The following CDCA2 variants were observed in gnomAD, a reference collection of about 807,000 sequenced individuals.
The protein encoded by CDCA2 is cell division cycle-associated protein 2.
In CDCA2, 44 loss-of-function variants were observed where a neutral mutation model predicts 67.0. That is an observed-to-expected ratio of 0.66 (90% CI 0.52 to 0.84). The LOEUF (loss-of-function observed/expected upper bound fraction) is 0.84. Ranked by LOEUF, CDCA2 falls within the 40% of genes least tolerant of loss-of-function variation. The probability of loss-of-function intolerance (pLI) is 0.00; values close to 1 mark genes in which losing one functional copy is unlikely to be tolerated. For synonymous variants in CDCA2, 447 were observed against 418.7 expected (o/e 1.07, Z -0.82); for missense variants, 1,253 against 1,203.2 (o/e 1.04, Z -0.61).
chr8:25,497,368 A>ATGCT (rs914917629), intron 13 of CDCA2, among the ~76,000 whole-genome samples: 1 of 152,140 alleles, frequency 6.6e-6, no homozygotes, highest in African/African-American at 2.4e-5. Context: ...ACACAACAAA[A>ATGCT]TGCTATTCAG....
In CDCA2 at chr8:25,506,989, G is replaced by C; in HGVS notation, c.2323G>C (p.Gly775Arg). The change falls in exon 15 of 15, where the codon GGA becomes CGA. Residue 775 changes from glycine (G) to arginine (R), a missense_variant. Gly to Arg is a moderately radical substitution (Grantham distance 125, BLOSUM62 -2). Transcript: ENST00000330560. The part of the protein sequence containing the change: ...RKDDFLGAAE[G>R]KLQCNRLMPN... ...GGATGACTTCTTAGGAGCTGCAGAAGGAAAACTGCAATGCAATCGTTTAAT... is the reference window on the plus strand; with the variant it reads ...GGATGACTTCTTAGGAGCTGCAGAACGAAAACTGCAATGCAATCGTTTAAT... The C allele has an allele frequency of 6.2e-7, 1 of 1,614,090 alleles. No individual in the cohort carries two copies. The highest frequency in any genetic ancestry group is 8.5e-7 in the Non-Finnish European group (1 of 1,179,972).
At chr8:25,489,636 A>G (rs1803925166) in intron 13 of CDCA2, among the ~76,000 whole-genome samples, 1 of 152,170 alleles carries the variant, frequency 6.6e-6, no homozygotes. Context: ...TTCATTTTTA[A>G]TACTAAAGCC....
At chr8:25,495,759 A>G (rs927741194) in intron 13 of CDCA2, among the ~76,000 whole-genome samples, 2 of 152,200 alleles carry the variant, frequency 1.3e-5, no homozygotes, top group Admixed American at 6.5e-5. Flanking sequence ...AATAACTGCA[A>G]AGAAATTATA....
Position 25,483,991 on chromosome 8 carries a change from T to G in CDCA2, c.1146T>G (p.Pro382=). 6.2e-7 allele frequency: 1 copy of G among 1,613,938 alleles called. No individual in the cohort carries two copies. The highest frequency in any genetic ancestry group is 8.5e-7 in the Non-Finnish European group (1 of 1,179,826). Residue 382 remains proline, a synonymous_variant, in exon 10 of 15, where the codon CCT becomes CCG. Coordinates refer to ENST00000330560, the MANE Select transcript of CDCA2 (RefSeq NM_152562.4). ...AAGATGAAGAAAATTTTGAAGCACCTGCCTTTCTAAATATGAGGAAGAGGA... is the reference window on the plus strand; with the variant it reads ...AAGATGAAGAAAATTTTGAAGCACCGGCCTTTCTAAATATGAGGAAGAGGA... ...EAEDEENFEA[P]AFLNMRKRKR... is the part of the protein sequence containing the mutation.
intron 8 of CDCA2, 112 bp downstream of exon 8, chr8:25,480,236 C>A: frequency 2.3e-6 from 2 of 886,636 alleles, no homozygotes; most frequent in Non-Finnish European, 3.3e-6. Flanking sequence ...ATGTCTTACT[C>A]GTCTTACCGT....
At chr8:25,460,738 C>G (rs73677325) in intron 3 of CDCA2, among the ~76,000 whole-genome samples, 184 bp downstream of exon 3, 2,589 of 152,226 alleles carry the variant, frequency 0.017, 81 homozygotes, top group African/African-American at 0.056. Context: ...GCAGGGATCA[C>G]GGAATCGCAG....
At chr8:25,501,124 A>C (rs1252607828) in intron 13 of CDCA2, among the ~76,000 whole-genome samples, 4 of 152,216 alleles carry the variant, frequency 2.6e-5, no homozygotes, top group African/African-American at 9.6e-5. Flanking sequence ...TATTTAACCC[A>C]GCATTTTCCT....
chr8:25,484,826 T>G (rs1214553123), intron 10 of CDCA2, among the ~76,000 whole-genome samples: 1 of 152,138 alleles, frequency 6.6e-6, no homozygotes, highest in Non-Finnish European at 1.5e-5. Flanking sequence ...AAATACTAAT[T>G]CTACACAAGT....
intron 5 of CDCA2, among the ~76,000 whole-genome samples, chr8:25,467,437 T>A (rs186085803): frequency 7.9e-5 from 12 of 152,308 alleles, no homozygotes; most frequent in Non-Finnish European, 1.5e-4. Flanking sequence ...ATTGTTTCAG[T>A]TTTTTCCTGG....
Position 25,501,967 on chromosome 8 carries a change from G to T in CDCA2, c.1672-1406G>T, listed in dbSNP as rs574950677. 1.9e-3 allele frequency among the ~76,000 whole-genome samples: 296 copies of T among 152,182 alleles called. 3 individuals carry two copies. Among genetic ancestry groups the T allele is most frequent in the Middle Eastern group, 6.8e-3 (2 of 292 alleles). On this transcript the variant is annotated intron_variant, in intron 13 of 14. Transcript: ENST00000330560. ...GGCTGGAGTGCAGTGGCGCGATCTCGGCTCACTGCAACCTCTGCCTCCCTG... is the reference window on the plus strand; with the variant it reads ...GGCTGGAGTGCAGTGGCGCGATCTCTGCTCACTGCAACCTCTGCCTCCCTG...
chr8:25,480,260 C>T (rs1284826639), intron 8 of CDCA2, 136 bp downstream of exon 8: 16 of 738,002 alleles, frequency 2.2e-5, no homozygotes, highest in Non-Finnish European at 3.4e-5. Flanking sequence ...TTTTTTTCCT[C>T]ATCTTTTCTT....
At chr8:25,495,543 T>C (rs1563280500) in intron 13 of CDCA2, among the ~76,000 whole-genome samples, 1 of 151,968 alleles carries the variant, frequency 6.6e-6, no homozygotes, top group Non-Finnish European at 1.5e-5. Flanking sequence ...GCCTCCCGAG[T>C]AGCTAGGAAT....
chr8:25,490,021 G>C (rs1167125196), intron 13 of CDCA2, among the ~76,000 whole-genome samples: 1 of 152,136 alleles, frequency 6.6e-6, no homozygotes, highest in Non-Finnish European at 1.5e-5. Context: ...TGCTTTTCTT[G>C]GTTGAGTAGC....
chr8:25,502,120 C>T (rs748573521), intron 13 of CDCA2, among the ~76,000 whole-genome samples: 2 of 152,134 alleles, frequency 1.3e-5, no homozygotes, highest in Non-Finnish European at 2.9e-5. Flanking sequence ...TGGTCTCGAT[C>T]TCCTGACCTT....
chr8:25,495,249 G>A (rs759402279), intron 13 of CDCA2, among the ~76,000 whole-genome samples: 4 of 151,942 alleles, frequency 2.6e-5, no homozygotes, highest in African/African-American at 4.8e-5. Flanking sequence ...TTTGATTGTG[G>A]GACCATTTAA....
In CDCA2 at chr8:25,483,382, A is replaced by G. The variant is rs764967357; in HGVS notation, c.1033-17A>G. 2 of 1,498,784 alleles carry G rather than the reference A, an allele frequency of 1.3e-6. No homozygotes were observed. The highest frequency in any genetic ancestry group is 1.3e-5 in the South Asian group (1 of 77,176). 92.8% of individuals were successfully genotyped at this position (1,498,784 alleles called of 1,614,324 possible). ...TTTCTATATGTAAAATTATTCATTA[A>G]TGTTTATTCTGTTTAGGAACACTGT... On this transcript the variant is annotated splice_polypyrimidine_tract_variant and intron_variant, in intron 8 of 14. Coordinates refer to ENST00000330560, the MANE Select transcript of CDCA2 (RefSeq NM_152562.4).
chr8:25,483,318 A>G (rs1563271823), intron 8 of CDCA2, 81 bp from the exon 9 acceptor site: 2 of 825,316 alleles, frequency 2.4e-6, no homozygotes, highest in Admixed American at 2.8e-5. Context: ...GTTGACAGAG[A>G]ATTTCAAAAC....
intron 11 of CDCA2, 29 bp downstream of exon 11, chr8:25,485,866 A>G (rs1482602246): frequency 2.2e-6 from 3 of 1,340,374 alleles, no homozygotes; most frequent in Non-Finnish European, 3.2e-6. Context: ...TAAAATCATA[A>G]ATGTCATTTT....
chr8:25,495,313 C>A (rs1162937498), intron 13 of CDCA2, among the ~76,000 whole-genome samples: 1 of 152,132 alleles, frequency 6.6e-6, no homozygotes, highest in African/African-American at 2.4e-5. Flanking sequence ...AGAACAATCT[C>A]TAATAAGCGA....
Sources: gnomAD v4.1 joint callset for allele counts (sites outside exome capture counted in the v4.1 genomes callset) on GRCh38, gnomAD v4.1.1 for gene constraint, MANE v1.5 for transcripts, NCBI Gene and HGNC (gene_info 2026-07-23, HGNC 2026-07-21) for gene names.